Variants in SLC38A9 observed in about 807,000 individuals in gnomAD.
The protein encoded by SLC38A9 is solute carrier family 38 member 9, also known as neutral amino acid transporter 9.
Under a neutral mutation model 62.3 loss-of-function variants are expected in SLC38A9, and 48 were observed. That is an observed-to-expected ratio of 0.77 (90% confidence interval 0.61 to 0.98). The LOEUF (loss-of-function observed/expected upper bound fraction) is 0.98, where lower values mean the gene tolerates loss of function less well. SLC38A9 is among the 50% of genes least tolerant of loss of function. The pLI, the probability that SLC38A9 is intolerant of heterozygous loss-of-function variation, is 0.00. For synonymous variants in SLC38A9, 204 were observed against 227.7 expected (o/e 0.90, Z 0.94); for missense variants, 541 against 679.8 (o/e 0.80, Z 2.27).
At chr5:55,686,259 C>G (rs1209261712) in intron 3 of SLC38A9, among the ~76,000 whole-genome samples, 1 of 152,184 alleles carries the variant, frequency 6.6e-6, no homozygotes, top group Admixed American at 6.5e-5. Flanking sequence ...TATAAGCCTT[C>G]CTTTTTCTCC....
intron 3 of SLC38A9, among the ~76,000 whole-genome samples, chr5:55,673,114 C>T (rs1330428721): frequency 3.3e-5 from 5 of 152,192 alleles, no homozygotes; most frequent in Non-Finnish European, 7.3e-5. Context: ...AGAGTCTCTA[C>T]TCCTTCCTTA....
intron 3 of SLC38A9, among the ~76,000 whole-genome samples, chr5:55,676,709 TACG>T (rs904956596): frequency 6.6e-6 from 1 of 152,224 alleles, no homozygotes; most frequent in African/African-American, 2.4e-5. Flanking sequence ...AGACTTTTTC[TACG>T]ACGACACATA....
chr5:55,705,020 T>A (rs1757113126), intron 2 of SLC38A9, among the ~76,000 whole-genome samples: 1 of 152,164 alleles, frequency 6.6e-6, no homozygotes, highest in African/African-American at 2.4e-5. Flanking sequence ...TTTGGCTGTT[T>A]AAAACTAGAA....
Position 55,697,654 on chromosome 5 carries a change from G to GA in SLC38A9, c.113+191dup, listed in dbSNP as rs3042033. Among the ~76,000 whole-genome samples the GA allele has an allele frequency of 5.6e-3, 731 of 131,248 alleles. 7 individuals carry two copies. Among genetic ancestry groups the GA allele is most frequent in the Middle Eastern group, 8.1e-3 (2 of 246 alleles). The allele number at this position is 131,248 out of a possible 152,430, so 86.1% of individuals were successfully genotyped here. ...CCCCAACAGAGATGTTGAGTTTAGT[G>GA]AAAAAAAAAAAAAAAAAAAAATATA... On this transcript the variant is annotated intron_variant, in intron 3 of 15. Transcript: ENST00000396865.
intron 3 of SLC38A9, among the ~76,000 whole-genome samples, chr5:55,679,350 G>A (rs1163346262): frequency 6.6e-6 from 1 of 152,006 alleles, no homozygotes; most frequent in Non-Finnish European, 1.5e-5. Context: ...CTGTTACTTA[G>A]CTGAAAGAAA....
intron 15 of SLC38A9, 62 bp from the exon 16 acceptor site, chr5:55,626,721 T>C: frequency 7.0e-7 from 1 of 1,419,702 alleles, no homozygotes; most frequent in Non-Finnish European, 9.5e-7. Flanking sequence ...ACAATTAAGG[T>C]AAACATAGTA....
At chr5:55,639,324 T>A (rs915696106) in intron 12 of SLC38A9, among the ~76,000 whole-genome samples, 4 of 138,764 alleles carry the variant, frequency 2.9e-5, no homozygotes, top group Admixed American at 2.8e-4. Flanking sequence ...TTTACACATA[T>A]AACAAACTGC....
intron 3 of SLC38A9, chr5:55,691,360 T>C: frequency 7.1e-7 from 1 of 1,418,106 alleles, no homozygotes; most frequent in Admixed American, 2.6e-5. Context: ...TTACAAAGAA[T>C]TGCCTAAGGG....
At chr5:55,675,798 T>A (rs1323727832) in intron 3 of SLC38A9, among the ~76,000 whole-genome samples, 1 of 152,146 alleles carries the variant, frequency 6.6e-6, no homozygotes, top group African/African-American at 2.4e-5. Context: ...CAGAGAAACC[T>A]TATTTCTACC....
intron 9 of SLC38A9, among the ~76,000 whole-genome samples, chr5:55,655,429 CT>C (rs1404081390): frequency 1.3e-5 from 2 of 152,066 alleles, no homozygotes; most frequent in Non-Finnish European, 2.9e-5. Context: ...ATAATTTTCT[CT>C]TTAAATACAA....
chr5:55,660,158 C>A (rs1208164391), intron 8 of SLC38A9, among the ~76,000 whole-genome samples: 2 of 151,918 alleles, frequency 1.3e-5, no homozygotes, highest in Middle Eastern at 3.4e-3. Context: ...CGCCTGTAAT[C>A]CCAGCACTTT....
chr5:55,704,375 C>T (rs1757035123), intron 2 of SLC38A9: 1 of 152,006 alleles, frequency 6.6e-6, no homozygotes, highest in African/African-American at 2.4e-5. Flanking sequence ...TGTAGGGAAG[C>T]CAGTATCCTT....
chr5:55,674,156 A>C (rs1751757506), intron 3 of SLC38A9, among the ~76,000 whole-genome samples: 1 of 152,196 alleles, frequency 6.6e-6, no homozygotes, highest in African/African-American at 2.4e-5. Flanking sequence ...AGCATACAGA[A>C]TCTTTGAATC....
At chr5:55,692,897 T>G in intron 3 of SLC38A9, 1 of 978,236 alleles carries the variant, frequency 1.0e-6, no homozygotes, top group Non-Finnish European at 1.2e-6. Context: ...TATTTCATTA[T>G]CTTTTCTGAT....
At chr5:55,660,946 G>T in intron 8 of SLC38A9, among the ~76,000 whole-genome samples, 1 of 150,872 alleles carries the variant, frequency 6.6e-6, no homozygotes, top group Non-Finnish European at 1.5e-5. Flanking sequence ...ATACTATTCT[G>T]TTTTTTTGTA....
chr5:55,648,703 A>G (rs1457386376), intron 11 of SLC38A9, among the ~76,000 whole-genome samples: 1 of 152,230 alleles, frequency 6.6e-6, no homozygotes, highest in East Asian at 1.9e-4. Flanking sequence ...AAAAGTTGCT[A>G]ACTCCACTGA....
At chr5:55,697,639 G>C (rs1232722969) in intron 3 of SLC38A9, among the ~76,000 whole-genome samples, 1 of 131,322 alleles carries the variant, frequency 7.6e-6, no homozygotes, top group African/African-American at 3.0e-5. Context: ...CCCCAACAGA[G>C]ATGTTGAGTT....
At chr5:55,673,905 T>C (rs1400050268) in intron 3 of SLC38A9, among the ~76,000 whole-genome samples, 1 of 152,128 alleles carries the variant, frequency 6.6e-6, no homozygotes, top group Non-Finnish European at 1.5e-5. Flanking sequence ...AGAGACAGGA[T>C]TTCACCATGT....
intron 3 of SLC38A9, chr5:55,696,860 G>A (rs1471306234): frequency 5.5e-5 from 9 of 162,612 alleles, no homozygotes; most frequent in African/African-American, 1.5e-4. Context: ...CGGCCGGGCA[G>A]AGACGCTCCT....
Sources: gnomAD v4.1 joint callset for allele counts (sites outside exome capture counted in the v4.1 genomes callset) on GRCh38, gnomAD v4.1.1 for gene constraint, MANE v1.5 for transcripts, NCBI Gene and HGNC (gene_info 2026-07-23, HGNC 2026-07-21) for gene names.